ERBB4: variants seen among roughly 807,000 people sequenced by gnomAD.
The protein encoded by ERBB4 is erb-b2 receptor tyrosine kinase 4, also known as receptor tyrosine-protein kinase erbB-4.
A neutral mutation model predicts 158.0 loss-of-function variants in ERBB4; 42 were observed. That is an observed-to-expected ratio of 0.27 (90% CI 0.21 to 0.34). The LOEUF (loss-of-function observed/expected upper bound fraction) is 0.34, where lower values mean the gene tolerates loss of function less well. Ranked by LOEUF, ERBB4 falls within the 10% of genes least tolerant of loss-of-function variation. ERBB4 has a pLI of 1.00. For missense variants in ERBB4, 1,333 were observed against 1,624.1 expected (o/e 0.82, Z 3.08); for synonymous variants, 583 against 558.7 (o/e 1.04, Z -0.61).
At chr2:211,675,752 C>T (rs1032540548) in intron 13 of ERBB4, among the ~76,000 whole-genome samples, 14 of 135,334 alleles carry the variant, frequency 1.0e-4, no homozygotes, top group Non-Finnish European at 1.9e-4. Context: ...CATTTTTTAA[C>T]ATATATATAT....
rs547076648 is a variant in ERBB4, at chr2:211,378,043, A to G, written c.*5572T>C. 8.6e-6 allele frequency: 2 copies of G among 233,154 alleles called. No homozygotes were observed. The highest frequency in any genetic ancestry group is 3.6e-4 in the South Asian group (2 of 5,524). The allele number at this position is 233,154 out of a possible 1,614,324, so 14.4% of individuals were successfully genotyped here. A position where few individuals can be genotyped will look rare whatever the true frequency, so the allele number is the denominator to read the frequency against. ...GGGTGTAGGATCTCAGAGATCCACT[A>G]TGGCTTAAGAAAGGAACAGGACAGC... On this transcript the variant is annotated 3_prime_UTR_variant, in exon 28 of 28. Transcript: ENST00000342788.
intron 1 of ERBB4, among the ~76,000 whole-genome samples, chr2:212,399,421 T>C (rs6733223): frequency 0.57 from 85,243 of 150,812 alleles, 25,059 homozygotes; most frequent in African/African-American, 0.7. Flanking sequence ...TACTTTAACA[T>C]TTGTTTATGA....
At chr2:212,106,949 A>T (rs1482388646) in intron 2 of ERBB4, among the ~76,000 whole-genome samples, 1 of 152,226 alleles carries the variant, frequency 6.6e-6, no homozygotes, top group African/African-American at 2.4e-5. Context: ...ATTTCAGAGG[A>T]CCTATGGAAA....
At chr2:212,353,202 G>T (rs960954093) in intron 1 of ERBB4, among the ~76,000 whole-genome samples, 24 of 151,666 alleles carry the variant, frequency 1.6e-4, no homozygotes, top group East Asian at 3.9e-4. Context: ...TTAATGATTT[G>T]GGGCCCACTA....
rs770038506 is a variant in ERBB4 at position 212,386,403 on chromosome 2, C to CT, written c.82+152045dup. On this transcript the variant is annotated intron_variant, in intron 1 of 27. Transcript: ENST00000342788. ...AATGGCACAATCATCTACTTATGTC[C>CT]TTAAGACAAACACCAGGAGTCAAGA... 8.3e-4 allele frequency among the ~76,000 whole-genome samples: 126 copies of CT among 151,982 alleles called. 2 individuals are homozygous for CT. The Middle Eastern group carries it at 0.014, about 16-fold the overall frequency.
chr2:211,971,550 C>T (rs908869590), intron 2 of ERBB4, among the ~76,000 whole-genome samples: 2 of 152,126 alleles, frequency 1.3e-5, no homozygotes, highest in Admixed American at 6.6e-5. Flanking sequence ...CTAACTCATT[C>T]TATGAGACCA....
chr2:211,646,639 T>C (rs898226509), intron 16 of ERBB4, among the ~76,000 whole-genome samples: 8 of 151,734 alleles, frequency 5.3e-5, no homozygotes, highest in Non-Finnish European at 1.0e-4. Context: ...CTGATGTTTG[T>C]AGTAATGATG....
At position 211,571,067 on chromosome 2, in the gene ERBB4, G is replaced by A. The variant is rs1409742317; in HGVS notation, c.2302-8979C>T. 1.3e-4 allele frequency among the ~76,000 whole-genome samples: 14 copies of A among 103,786 alleles called. No homozygotes were observed. The South Asian group carries it at 2.4e-3, about 18-fold the overall frequency. 68.1% of individuals were successfully genotyped at this position (103,786 alleles called of 152,430 possible). On this transcript the variant is annotated intron_variant, in intron 19 of 27. Transcript: ENST00000342788. ...TTTTTTTTTTTTTTTTTTTTGAGAC[G>A]GAGTCTTGCTCTGTCGCCAGGCTGG...
intron 21 of ERBB4, among the ~76,000 whole-genome samples, chr2:211,429,245 A>G (rs1045196056): frequency 1.3e-5 from 2 of 152,036 alleles, no homozygotes; most frequent in African/African-American, 4.8e-5. Flanking sequence ...TCACCCTCAG[A>G]CACATTTTGG....
chr2:211,941,894 G>A (rs541217553), intron 3 of ERBB4, among the ~76,000 whole-genome samples: 4 of 152,122 alleles, frequency 2.6e-5, no homozygotes, highest in South Asian at 2.1e-4. Flanking sequence ...CACCCCCAAT[G>A]TGAAAGATGC....
intron 1 of ERBB4, among the ~76,000 whole-genome samples, chr2:212,164,952 A>T (rs2081304249): frequency 6.7e-6 from 1 of 149,148 alleles, no homozygotes; most frequent in Non-Finnish European, 1.5e-5. Flanking sequence ...TTGACTTTGA[A>T]GAAATTTTTC....
At chr2:212,191,137 A>C (rs896216951) in intron 1 of ERBB4, among the ~76,000 whole-genome samples, 1 of 152,160 alleles carries the variant, frequency 6.6e-6, no homozygotes, top group Non-Finnish European at 1.5e-5. Context: ...CAAGGGTTTA[A>C]GAAAGTGATT....
At chr2:211,704,936 T>A (rs1031837616) in intron 10 of ERBB4, among the ~76,000 whole-genome samples, 1 of 152,010 alleles carries the variant, frequency 6.6e-6, no homozygotes, top group Non-Finnish European at 1.5e-5. Context: ...CTTATGTAAC[T>A]TTTTTTGTTT....
chr2:211,498,279 T>C (rs998838899), intron 20 of ERBB4, among the ~76,000 whole-genome samples: 1 of 152,142 alleles, frequency 6.6e-6, no homozygotes. Flanking sequence ...AGAATGAGTG[T>C]CCTATTCTAG....
chr2:212,507,269 C>T (rs1341317887), intron 1 of ERBB4, among the ~76,000 whole-genome samples: 12 of 149,780 alleles, frequency 8.0e-5, no homozygotes, highest in Admixed American at 8.0e-4. Context: ...AACCTACTAA[C>T]CAAAGAGTTC....
chr2:211,984,008 G>C (rs1433939021), intron 2 of ERBB4, among the ~76,000 whole-genome samples: 4 of 152,138 alleles, frequency 2.6e-5, no homozygotes, highest in Non-Finnish European at 5.9e-5. Flanking sequence ...ATAAACAAGA[G>C]AAATGCACTG....
chr2:212,312,276 C>T (rs558460715), intron 1 of ERBB4, among the ~76,000 whole-genome samples: 143 of 151,058 alleles, frequency 9.5e-4, no homozygotes, highest in Non-Finnish European at 1.9e-4. Context: ...TCAATATGAA[C>T]ATTGTAAAGT....
intron 2 of ERBB4, among the ~76,000 whole-genome samples, chr2:212,095,292 T>A (rs748519082): frequency 2.4e-4 from 37 of 152,234 alleles, no homozygotes; most frequent in Non-Finnish European, 3.1e-4. Context: ...ATTAAATTGA[T>A]TTTATTAAAC....
At chr2:212,464,366 T>C (rs115379916) in intron 1 of ERBB4, among the ~76,000 whole-genome samples, 1,819 of 152,230 alleles carry the variant, frequency 0.012, 36 homozygotes, top group African/African-American at 0.041. Flanking sequence ...GCAAGCATGG[T>C]TCCATTCCGG....
Sources: allele counts gnomAD v4.1 joint callset (sites outside exome capture counted in the v4.1 genomes callset), GRCh38; gene constraint gnomAD v4.1.1; transcripts MANE v1.5; gene names NCBI Gene and HGNC (gene_info 2026-07-23, HGNC 2026-07-21).